Variants in CCDC34 observed in about 807,000 individuals in gnomAD.
The protein encoded by CCDC34 is coiled-coil domain containing 34, also known as coiled-coil domain-containing protein 34.
A neutral mutation model predicts 44.1 loss-of-function variants in CCDC34; 40 were observed. That is an observed-to-expected ratio of 0.91 (90% CI 0.70 to 1.18). CCDC34 has a LOEUF of 1.18. Ranked by LOEUF, CCDC34 falls within the 50% of genes most tolerant of loss-of-function variation. CCDC34 has a pLI of 0.00. For missense variants in CCDC34, 466 were observed against 452.3 expected, an observed-to-expected ratio of 1.03 and a Z score of -0.28; for synonymous variants, 159 against 158.2, an observed-to-expected ratio of 1.01 and a Z score of -0.04.
At chr11:27,356,008 A>ATTTTTTTTTTTTT (rs34146389) in intron 2 of CCDC34, among the ~76,000 whole-genome samples, 2 of 69,482 alleles carry the variant, frequency 2.9e-5, no homozygotes, top group Non-Finnish European at 5.1e-5. Flanking sequence ...TGTTCCCAGG[A>ATTTTTTTTTTTTT]TTTTTTTTTT....
intron 1 of CCDC34, 133 bp downstream of exon 1, chr11:27,362,703 A>AC (rs200245113): frequency 6.5e-5 from 67 of 1,026,268 alleles, no homozygotes; most frequent in Admixed American, 1.4e-4. Context: ...TGCAAAAAAA[A>AC]CCACGGCACC....
chr11:27,341,607 G>A, intron 3 of CCDC34, 57 bp from the exon 4 acceptor site: 1 of 757,784 alleles, frequency 1.3e-6, no homozygotes, highest in Non-Finnish European at 2.0e-6. Flanking sequence ...CTCATCTAAG[G>A]AAAGACTGCT....
intron 3 of CCDC34, among the ~76,000 whole-genome samples, chr11:27,344,399 T>C (rs1862404749): frequency 1.3e-5 from 2 of 152,118 alleles, no homozygotes; most frequent in Non-Finnish European, 1.5e-5. Context: ...TGCTGCATGT[T>C]ACAAACATGT....
At chr11:27,355,093 T>C (rs1862556553) in intron 2 of CCDC34, among the ~76,000 whole-genome samples, 1 of 152,154 alleles carries the variant, frequency 6.6e-6, no homozygotes, top group Non-Finnish European at 1.5e-5. Context: ...TGACTAAAAA[T>C]GACTGGAAGT....
intron 2 of CCDC34, among the ~76,000 whole-genome samples, chr11:27,351,745 G>C (rs1421966153): frequency 6.6e-6 from 1 of 152,172 alleles, no homozygotes; most frequent in African/African-American, 2.4e-5. Context: ...TCAGAGAAGG[G>C]AAGGGAAGAT....
At chr11:27,350,468 C>T in intron 2 of CCDC34, 29 bp from the exon 3 acceptor site, 3 of 1,552,130 alleles carry the variant, frequency 1.9e-6, no homozygotes, top group Non-Finnish European at 2.6e-6. Context: ...CAAAAGGCAA[C>T]ATTTAATAGA....
intron 1 of CCDC34, among the ~76,000 whole-genome samples, chr11:27,361,366 G>T (rs1369619386): frequency 1.3e-5 from 2 of 152,214 alleles, no homozygotes; most frequent in African/African-American, 4.8e-5. Context: ...CATTTATTCC[G>T]CAGGTCACTA....
In CCDC34 at chr11:27,338,650, C is replaced by A; in HGVS notation, c.*171G>T. ...TCAACCTTAAAAAGTTTATAAAAAC[C>A]AAAATCCAGAAAATATCTTCCTCAA... is the stretch of plus-strand genomic sequence containing the variant. On this transcript the variant is annotated 3_prime_UTR_variant, in exon 6 of 6. Transcript: ENST00000328697. The A allele has an allele frequency of 1.2e-5, 7 of 575,862 alleles. No individual in the cohort carries two copies. Among genetic ancestry groups the A allele is most frequent in the Admixed American group, 3.8e-5 (1 of 26,586 alleles). 35.7% of individuals were successfully genotyped at this position (575,862 alleles called of 1,614,324 possible). A position where few individuals can be genotyped will look rare whatever the true frequency, so the allele number is the denominator to read the frequency against.
intron 2 of CCDC34, among the ~76,000 whole-genome samples, chr11:27,353,097 C>A (rs998126673): frequency 6.6e-6 from 1 of 152,194 alleles, no homozygotes; most frequent in African/African-American, 2.4e-5. Flanking sequence ...GAATACAACA[C>A]TTGATTATGG....
intron 1 of CCDC34, among the ~76,000 whole-genome samples, chr11:27,358,660 T>G (rs1240961110): frequency 2.0e-5 from 3 of 152,186 alleles, no homozygotes; most frequent in African/African-American, 7.2e-5. Flanking sequence ...CTGCCCCCAC[T>G]GTAGTGCAGT....
Position 27,350,170 on chromosome 11 carries a change from G to T in CCDC34, c.606+162C>A, listed in dbSNP as rs1465932526. ...GAAAAGTAGAGGGCAAAGGGCAGAA[G>T]ATAGAGACTTGATAAATGTCCACCA... On this transcript the variant is annotated intron_variant, in intron 3 of 5. Transcript: ENST00000328697. 3 of 1,531,676 alleles carry T rather than the reference G, an allele frequency of 2.0e-6. No individual in the cohort carries two copies. The African/African-American group carries it at 4.2e-5, about 21-fold the overall frequency. 94.9% of individuals were successfully genotyped at this position (1,531,676 alleles called of 1,614,324 possible). A position where few individuals can be genotyped will look rare whatever the true frequency, so the allele number is the denominator to read the frequency against.
At chr11:27,357,629 C>G in intron 1 of CCDC34, 88 bp from the exon 2 acceptor site, 1 of 1,105,516 alleles carries the variant, frequency 9.0e-7, no homozygotes, top group Non-Finnish European at 1.3e-6. Flanking sequence ...AAAAGCAAAA[C>G]TTAATAGTGT....
intron 5 of CCDC34, among the ~76,000 whole-genome samples, chr11:27,339,291 TGTAA>T (rs1862321219): frequency 6.6e-6 from 1 of 152,202 alleles, no homozygotes; most frequent in South Asian, 2.1e-4. Flanking sequence ...TTAAAACCTA[TGTAA>T]ATCAAACTCC....
At chr11:27,350,041 T>C (rs899877670) in intron 3 of CCDC34, 2 of 1,252,534 alleles carry the variant, frequency 1.6e-6, no homozygotes, top group African/African-American at 3.1e-5. Context: ...ATTTGCAGAC[T>C]TGGAGGCACT....
At chr11:27,340,190 T>A (rs543208873) in intron 5 of CCDC34, among the ~76,000 whole-genome samples, 1 of 152,230 alleles carries the variant, frequency 6.6e-6, no homozygotes, top group Admixed American at 6.5e-5. Flanking sequence ...CAGCAAGGTA[T>A]GAGCTTCCAA....
At chr11:27,359,552 G>A (rs1480707845) in intron 1 of CCDC34, among the ~76,000 whole-genome samples, 2 of 151,238 alleles carry the variant, frequency 1.3e-5, no homozygotes, top group African/African-American at 4.9e-5. Flanking sequence ...GCAGTGGCGC[G>A]ATCTCCGCTC....
At position 27,341,390 on chromosome 11, in the gene CCDC34, A is replaced by T; in HGVS notation, c.765+2T>A. The T allele has an allele frequency of 7.1e-7, 1 of 1,414,024 alleles. No individual in the cohort carries two copies. Among genetic ancestry groups the T allele is most frequent in the Non-Finnish European group, 9.6e-7 (1 of 1,037,764 alleles). 87.6% of individuals were successfully genotyped at this position (1,414,024 alleles called of 1,614,324 possible). A position where few individuals can be genotyped will look rare whatever the true frequency, so the allele number is the denominator to read the frequency against. On this transcript the variant is annotated splice_donor_variant, in intron 4 of 5. Coordinates refer to ENST00000328697, the MANE Select transcript of CCDC34 (RefSeq NM_030771.2). LOFTEE classifies it high-confidence loss of function. ...TCTAACTGGTCACTTTAATAAAAATACCTTTTCTTTCTTCTTCCTCTCACA... is the reference window on the plus strand; with the variant it reads ...TCTAACTGGTCACTTTAATAAAAATTCCTTTTCTTTCTTCTTCCTCTCACA...
At chr11:27,340,419 G>A (rs1038738708) in intron 5 of CCDC34, among the ~76,000 whole-genome samples, 2 of 152,100 alleles carry the variant, frequency 1.3e-5, no homozygotes, top group African/African-American at 4.8e-5. Context: ...CTGAAAAAAT[G>A]TAAGAGAACA....
chr11:27,361,622 G>A (rs937557124), intron 1 of CCDC34, among the ~76,000 whole-genome samples: 11 of 152,068 alleles, frequency 7.2e-5, no homozygotes, highest in Non-Finnish European at 1.6e-4. Flanking sequence ...TACTCTTTCT[G>A]ATCTCCATTC....
Sources: gnomAD v4.1 joint callset for allele counts (sites outside exome capture counted in the v4.1 genomes callset) on GRCh38, gnomAD v4.1.1 for gene constraint, MANE v1.5 for transcripts, NCBI Gene and HGNC (gene_info 2026-07-23, HGNC 2026-07-21) for gene names.